The following SHANK2 variants were observed in gnomAD, a reference collection of about 807,000 sequenced individuals.
SHANK2 encodes the protein SH3 and multiple ankyrin repeat domains 2, also known as SH3 and multiple ankyrin repeat domains protein 2.
SHANK2 carries 43 observed loss-of-function variants against 133.7 expected under a neutral mutation model. The ratio of observed to expected loss-of-function variants is 0.32; its 90% CI spans 0.25 to 0.41. The LOEUF (loss-of-function observed/expected upper bound fraction) is 0.41, where lower values mean the gene tolerates loss of function less well. Among genes scored for constraint, SHANK2 ranks in the 10% least tolerant of loss-of-function variants. The pLI is 1.00. For missense variants in SHANK2, 1,994 were observed against 2,235.8 expected, an observed-to-expected ratio of 0.89 and a Z score of 2.18; for synonymous variants, 1,017 against 952.8, an observed-to-expected ratio of 1.07 and a Z score of -1.24.
intron 17 of SHANK2, among the ~76,000 whole-genome samples, chr11:70,523,948 C>G (rs2059363286): frequency 6.6e-6 from 1 of 152,148 alleles, no homozygotes; most frequent in African/African-American, 2.4e-5. Flanking sequence ...AGGCCCCTGT[C>G]AGGGGTCAGG....
intron 17 of SHANK2, among the ~76,000 whole-genome samples, chr11:70,639,638 A>G (rs1555005592): frequency 2.6e-5 from 4 of 152,092 alleles, no homozygotes; most frequent in Non-Finnish European, 5.9e-5. Context: ...GTCAATTTCC[A>G]TCTGATTTTC....
intron 11 of SHANK2, among the ~76,000 whole-genome samples, chr11:70,845,572 T>G (rs905783113): frequency 2.0e-5 from 3 of 152,016 alleles, no homozygotes; most frequent in African/African-American, 7.3e-5. Flanking sequence ...TGGGTGGGGA[T>G]GCCTCCAAAC....
intron 14 of SHANK2, among the ~76,000 whole-genome samples, chr11:70,755,818 G>C (rs552333868): frequency 6.6e-6 from 1 of 152,350 alleles, no homozygotes; most frequent in East Asian, 1.9e-4. Flanking sequence ...CTTCCGGAGG[G>C]GCCTCCCAGT....
At chr11:71,168,264 G>T (rs1458580909) in intron 2 of SHANK2, among the ~76,000 whole-genome samples, 1 of 132,868 alleles carries the variant, frequency 7.5e-6, no homozygotes, top group South Asian at 2.6e-4. Context: ...TCCCAGATGG[G>T]ATGGCGGCTG....
chr11:70,589,010 G>C (rs1373287855), intron 17 of SHANK2, among the ~76,000 whole-genome samples: 3 of 152,158 alleles, frequency 2.0e-5, no homozygotes, highest in Admixed American at 1.3e-4. Context: ...GTAGAGACGG[G>C]GTTTCACTGT....
At chr11:70,938,636 G>A (rs895421650) in intron 10 of SHANK2, among the ~76,000 whole-genome samples, 6 of 152,158 alleles carry the variant, frequency 3.9e-5, no homozygotes, top group Non-Finnish European at 8.8e-5. Flanking sequence ...TTGGAAACGC[G>A]GCTTCTAGTC....
At chr11:71,214,791 C>A in intron 2 of SHANK2, among the ~76,000 whole-genome samples, 1 of 152,150 alleles carries the variant, frequency 6.6e-6, no homozygotes, top group East Asian at 1.9e-4. Flanking sequence ...GCTGTCCTCT[C>A]GTGCAATTGC....
intron 11 of SHANK2, among the ~76,000 whole-genome samples, chr11:70,839,741 A>G (rs1555061079): frequency 6.6e-6 from 1 of 152,178 alleles, no homozygotes; most frequent in African/African-American, 2.4e-5. Context: ...GCCGCCCTGG[A>G]AAAGGAAGCA....
At chr11:70,673,963 TG>T (rs1459740770) in intron 15 of SHANK2, among the ~76,000 whole-genome samples, 2 of 152,242 alleles carry the variant, frequency 1.3e-5, no homozygotes, top group Non-Finnish European at 2.9e-5. Context: ...ATCCCAATGT[TG>T]TTGGTGGGGC....
rs188832986 is a variant in SHANK2 at position 70,479,121 on chromosome 11, G to A, written c.4980-5682C>T. On this transcript the variant is annotated intron_variant, in intron 25 of 25. Coordinates refer to ENST00000601538, the MANE Select transcript of SHANK2 (RefSeq NM_012309.5). The surrounding 1 kb of genome is among the most constrained non-coding windows in gnomAD (Gnocchi z 4.4). ...CCCGCAAGTACCAGCCCCGATGGAC[G>A]CACATCCTGACTAGTGCTCCCAGCC... 9.3e-4 allele frequency among the ~76,000 whole-genome samples: 142 copies of A among 152,276 alleles called. 1 individual carries two copies. The highest frequency in any genetic ancestry group is 3.1e-3 in the African/African-American group (130 of 41,560).
intron 11 of SHANK2, among the ~76,000 whole-genome samples, chr11:70,874,697 A>T (rs891775984): frequency 6.6e-6 from 1 of 151,768 alleles, no homozygotes; most frequent in Non-Finnish European, 1.5e-5. Context: ...AAAAAAAAAA[A>T]ATTCCACCTT....
At chr11:70,817,152 C>A (rs907428261) in intron 12 of SHANK2, among the ~76,000 whole-genome samples, 1 of 152,246 alleles carries the variant, frequency 6.6e-6, no homozygotes, top group Non-Finnish European at 1.5e-5. Context: ...CTGCCTCCAA[C>A]TCTCCATCCC....
At chr11:70,692,170 A>G (rs552713574) in intron 15 of SHANK2, among the ~76,000 whole-genome samples, 5 of 152,330 alleles carry the variant, frequency 3.3e-5, no homozygotes, top group African/African-American at 1.2e-4. Context: ...ATGGCGGAGG[A>G]AGAATGAGGG....
chr11:70,804,142 GC>G lies in SHANK2; in HGVS notation c.1663+2859del, dbSNP rs1948112167. On this transcript the variant is annotated intron_variant, in intron 13 of 25. Coordinates refer to ENST00000601538, the MANE Select transcript of SHANK2 (RefSeq NM_012309.5). This position sits in a 1 kb window ranked among gnomAD's most constrained non-coding sequence, Gnocchi z 4.1. ...TTTCTCTGGAAACCCTCCCAGACCTGCCCCTGCCAGCCAGGCAGCTGGGTTT... is the reference window on the plus strand; with the variant it reads ...TTTCTCTGGAAACCCTCCCAGACCTGCCCTGCCAGCCAGGCAGCTGGGTTT... 6.6e-6 allele frequency among the ~76,000 whole-genome samples: 1 copy of G among 152,142 alleles called. No homozygotes were observed. The highest frequency in any genetic ancestry group is 2.4e-5 in the African/African-American group (1 of 41,442).
intron 10 of SHANK2, among the ~76,000 whole-genome samples, chr11:70,955,507 G>A (rs1950908134): frequency 6.6e-6 from 1 of 151,478 alleles, no homozygotes; most frequent in African/African-American, 2.4e-5. Flanking sequence ...ACATATATTT[G>A]TAATATGTGT....
rs782016327 is a variant in SHANK2, at chr11:70,486,713, C to A, written c.3580G>T (p.Gly1194Cys). The A allele has an allele frequency of 1.2e-6, 2 of 1,610,322 alleles. No homozygotes were observed. The highest frequency in any genetic ancestry group is 1.7e-6 in the Non-Finnish European group (2 of 1,179,936). Reference protein sequence around the residue: ...SSPAVPSASSGTAGPGNYVHP... With the variant: ...SSPAVPSASSCTAGPGNYVHP... The stretch of plus-strand genomic sequence containing the variant: ...ACATAATTCCCGGGGCCGGCTGTGC[C>A]GCTGCTCGCGGAGGGCACTGCTGGG... The change falls in exon 25 of 26, where the codon GGC becomes TGC. Residue 1194 changes from glycine to cysteine, a missense_variant. Transcript: ENST00000601538. The surrounding 1 kb of genome is among the most constrained non-coding windows in gnomAD (Gnocchi z 8.0).
At chr11:70,598,926 C>CAAAAA (rs61220609) in intron 17 of SHANK2, among the ~76,000 whole-genome samples, 26 of 113,098 alleles carry the variant, frequency 2.3e-4, no homozygotes, top group Middle Eastern at 4.8e-3. Context: ...AGCTGCATGT[C>CAAAAA]AAAAAAAAAA....
chr11:70,551,380 G>C (rs956041737), intron 17 of SHANK2, among the ~76,000 whole-genome samples: 1 of 147,088 alleles, frequency 6.8e-6, no homozygotes, highest in African/African-American at 2.5e-5. Flanking sequence ...CTGCGTGGAC[G>C]GGGAGTGGAG....
chr11:70,829,790 T>A (rs1948700255), intron 11 of SHANK2, among the ~76,000 whole-genome samples: 1 of 152,218 alleles, frequency 6.6e-6, no homozygotes, highest in Non-Finnish European at 1.5e-5. Flanking sequence ...GGAGCGGTGG[T>A]GGCTCCATCA....
Sources: allele counts gnomAD v4.1 joint callset (sites outside exome capture counted in the v4.1 genomes callset), GRCh38; gene constraint gnomAD v4.1.1; non-coding constraint Gnocchi (gnomAD v3.1); transcripts MANE v1.5; gene names NCBI Gene and HGNC (gene_info 2026-07-23, HGNC 2026-07-21).